The following IFIT5 variants were observed in gnomAD, a reference collection of about 807,000 sequenced individuals.
The protein encoded by IFIT5 is interferon-induced protein with tetratricopeptide repeats 5.
A neutral mutation model predicts 5.0 loss-of-function variants in IFIT5; 2 were observed. The ratio of observed to expected loss-of-function variants is 0.40; its 90% CI spans 0.16 to 1.26. IFIT5 has a LOEUF of 1.26. IFIT5 is among the 50% of genes most tolerant of loss of function. The pLI is 0.33. For missense variants in IFIT5, 524 were observed against 563.2 expected (o/e 0.93, Z 0.70); for synonymous variants, 206 against 204.6 (o/e 1.01, Z -0.06).
Position 89,418,837 on chromosome 10 carries a change from T to G in IFIT5, c.*189T>G, listed in dbSNP as rs1163351886. 1.9e-5 allele frequency: 10 copies of G among 515,162 alleles called. No homozygotes were observed. Among genetic ancestry groups the G allele is most frequent in the Non-Finnish European group, 2.9e-5 (9 of 312,542 alleles). The allele number at this position is 515,162 out of a possible 1,614,324, so 31.9% of individuals were successfully genotyped here. A position where few individuals can be genotyped will look rare whatever the true frequency, so the allele number is the denominator to read the frequency against. ...GAATCTTGTGCGGTTTTCTTTCTTT[T>G]TTTCTTTTTAATTAAAATACTATAA... On this transcript the variant is annotated 3_prime_UTR_variant, in exon 2 of 2. Transcript: ENST00000371795.
In IFIT5 at chr10:89,419,412, T is replaced by C. The variant is rs1169032216; in HGVS notation, c.*764T>C. ...TGCAATGAATCTAGATGCAATTAAT[T>C]TTATTCCTTCCAACTAAAATTACAA... On this transcript the variant is annotated 3_prime_UTR_variant, in exon 2 of 2. Coordinates refer to ENST00000371795, the MANE Select transcript of IFIT5 (RefSeq NM_012420.3). The C allele has an allele frequency of 3.3e-5, 5 of 152,072 alleles. No homozygotes were observed. Among genetic ancestry groups the C allele is most frequent in the Non-Finnish European group, 7.4e-5 (5 of 68,008 alleles). The allele number at this position is 152,072 out of a possible 1,614,324, so 9.4% of individuals were successfully genotyped here.
chr10:89,419,076 G>A lies in IFIT5; in HGVS notation c.*428G>A, dbSNP rs1479995261. On this transcript the variant is annotated 3_prime_UTR_variant, in exon 2 of 2. Coordinates refer to ENST00000371795, the MANE Select transcript of IFIT5 (RefSeq NM_012420.3). ...GCTCTTAATTGTGTAGCTTGCAAAA[G>A]ACAGCACTTTTTAGTTACAGATGTT... The A allele has an allele frequency of 1.3e-5, 2 of 153,254 alleles. No homozygotes were observed. The highest frequency in any genetic ancestry group is 2.9e-5 in the Non-Finnish European group (2 of 68,820). The allele number at this position is 153,254 out of a possible 1,614,324, so 9.5% of individuals were successfully genotyped here.
At position 89,419,179 on chromosome 10, in the gene IFIT5, T is replaced by C. The variant is rs909198952; in HGVS notation, c.*531T>C. 6.6e-6 allele frequency: 1 copy of C among 152,126 alleles called. No individual in the cohort carries two copies. Among genetic ancestry groups the C allele is most frequent in the Admixed American group, 6.5e-5 (1 of 15,284 alleles). 9.4% of individuals were successfully genotyped at this position (152,126 alleles called of 1,614,324 possible). On this transcript the variant is annotated 3_prime_UTR_variant, in exon 2 of 2. Coordinates refer to ENST00000371795, the MANE Select transcript of IFIT5 (RefSeq NM_012420.3). The stretch of plus-strand genomic sequence containing the variant: ...TTTTTTGTTGGAAAAAAGTTTATAA[T>C]AAAAAAGTTTGTCATCTCTAGTGAC...
chr10:89,414,843 C>G (rs781523425), intron 1 of IFIT5, 40 bp downstream of exon 1: 19 of 1,603,984 alleles, frequency 1.2e-5, no homozygotes, highest in Non-Finnish European at 1.5e-5. Flanking sequence ...AGCCCTGCGT[C>G]GGCCTTGGTT....
rs545340377 is a variant in IFIT5, at chr10:89,415,139, G to A, written c.5+336G>A. ...TGGCGTCTGCGGTCGGGACTGTCAG[G>A]GTATGTGCCGGGCGACGCTCCCCCG... On this transcript the variant is annotated intron_variant, in intron 1 of 1. Coordinates refer to ENST00000371795, the MANE Select transcript of IFIT5 (RefSeq NM_012420.3). 4.3e-4 allele frequency among the ~76,000 whole-genome samples: 66 copies of A among 152,320 alleles called. 1 individual carries two copies. In the South Asian group the frequency reaches 7.7e-3, roughly 18 times the overall value.
chr10:89,416,434 C>A (rs1034717674), intron 1 of IFIT5, among the ~76,000 whole-genome samples: 5 of 152,220 alleles, frequency 3.3e-5, no homozygotes, highest in African/African-American at 1.2e-4. Context: ...AACAGAATTA[C>A]CGAAAGATAC....
chr10:89,417,142 T>G, intron 1 of IFIT5, 63 bp from the exon 2 acceptor site: 1 of 1,349,976 alleles, frequency 7.4e-7, no homozygotes, highest in African/African-American at 1.5e-5. Context: ...GAACAATATT[T>G]AAGGTTTAGA....
chr10:89,419,885 G>A lies in IFIT5; in HGVS notation c.*1237G>A, dbSNP rs1841581292. 6.6e-6 allele frequency: 1 copy of A among 151,960 alleles called. No individual in the cohort carries two copies. Among genetic ancestry groups the A allele is most frequent in the African/African-American group, 2.4e-5 (1 of 41,380 alleles). The allele number at this position is 151,960 out of a possible 1,614,324, so 9.4% of individuals were successfully genotyped here. On this transcript the variant is annotated 3_prime_UTR_variant, in exon 2 of 2. Transcript: ENST00000371795. ...CAGTATTAGTGGAAAAGTACCATGT[G>A]ATTTAATTCTCCATTCCTCCAATGT... is the stretch of plus-strand genomic sequence containing the variant.
chr10:89,417,704 G>A lies in IFIT5; in HGVS notation c.505G>A (p.Val169Met). The change falls in exon 2 of 2, where the codon GTG (valine) becomes ATG (methionine). Residue 169 changes from valine (V) to methionine (M), a missense_variant. Transcript: ENST00000371795. Reference sequence around the variant, plus strand: ...AGCGGCTTTTGAGAAGGCTCTGGAAGTGGAGCCTGACAATCCAGAATTTAA... The same window carrying A: ...AGCGGCTTTTGAGAAGGCTCTGGAAATGGAGCCTGACAATCCAGAATTTAA... ...AKAAFEKALE[V>M]EPDNPEFNIG... 6.2e-7 allele frequency: 1 copy of A among 1,614,234 alleles called. No homozygotes were observed. Among genetic ancestry groups the A allele is most frequent in the South Asian group, 1.1e-5 (1 of 91,088 alleles).
chr10:89,418,351 C>A lies in IFIT5; in HGVS notation c.1152C>A (p.Arg384=), dbSNP rs1841564450. The A allele has an allele frequency of 7.4e-6, 12 of 1,614,196 alleles. No individual in the cohort carries two copies. Among genetic ancestry groups the A allele is most frequent in the Non-Finnish European group, 1.0e-5 (12 of 1,180,020 alleles). Residue 384 remains arginine, a synonymous_variant, in exon 2 of 2, where the codon CGC becomes CGA. Coordinates refer to ENST00000371795, the MANE Select transcript of IFIT5 (RefSeq NM_012420.3). ...ATCAGATCCATTACCACTATGGCCG[C>A]TTTCAGGAATTTCACCGTAAATCAG... is the stretch of plus-strand genomic sequence containing the variant. ...HKHQIHYHYG[R]FQEFHRKSEN...
Position 89,414,743 on chromosome 10 carries a change from GGA to G in IFIT5, c.-50_-49del. On this transcript the variant is annotated 5_prime_UTR_variant, in exon 1 of 2. Coordinates refer to ENST00000371795, the MANE Select transcript of IFIT5 (RefSeq NM_012420.3). ...GGCTTCCCGCGGTCCCCGGTGCTGA[GGA>G]GAGAGCGATCCGAGGGACTGCGCCG... The G allele has an allele frequency of 1.3e-6, 2 of 1,597,552 alleles. No homozygotes were observed. Among genetic ancestry groups the G allele is most frequent in the South Asian group, 2.2e-5 (2 of 89,430 alleles).
intron 1 of IFIT5, 21 bp downstream of exon 1, chr10:89,414,824 C>A: frequency 6.2e-7 from 1 of 1,608,570 alleles, no homozygotes; most frequent in Non-Finnish European, 8.5e-7. Flanking sequence ...TCCTTTGCCT[C>A]TCCTCCCAAG....
In IFIT5 at chr10:89,418,200, ACT is replaced by A; in HGVS notation, c.1004_1005del (p.Ser335TyrfsTer15). On this transcript the variant is annotated frameshift_variant, in exon 2 of 2. Transcript: ENST00000371795. LOFTEE classifies it low-confidence loss of function (END_TRUNC). ...CATTTCAAAGCAGCCATGGAACGAG[ACT>A]CTATGTTTGCATTTGCCTACACAGA... 1.2e-6 allele frequency: 2 copies of A among 1,614,042 alleles called. No homozygotes were observed. Among genetic ancestry groups the A allele is most frequent in the Non-Finnish European group, 1.7e-6 (2 of 1,179,986 alleles).
rs1275639688 is a variant in IFIT5 at position 89,418,502 on chromosome 10, G to T, written c.1303G>T (p.Val435Leu). 2 of 1,614,090 alleles carry T rather than the reference G, an allele frequency of 1.2e-6. No homozygotes were observed. Among genetic ancestry groups the T allele is most frequent in the Admixed American group, 3.3e-5 (2 of 60,008 alleles). Residue 435 changes from valine to leucine, a missense_variant, in exon 2 of 2, where the codon GTG (valine) becomes TTG (leucine). Val to Leu is a conservative substitution (Grantham distance 32). Transcript: ENST00000371795. ...TKRLCHNALD[V>L]QSLSALGFVY... Reference sequence around the variant, plus strand: ...GAGACTTTGTCACAATGCTTTAGATGTGCAGAGTTTAAGTGCCCTAGGGTT... The same window carrying T: ...GAGACTTTGTCACAATGCTTTAGATTTGCAGAGTTTAAGTGCCCTAGGGTT...
Position 89,418,704 on chromosome 10 carries a change from TTTG to T in IFIT5, c.*59_*61del. The T allele has an allele frequency of 6.7e-7, 1 of 1,493,352 alleles. No individual in the cohort carries two copies. The highest frequency in any genetic ancestry group is 2.3e-5 in the East Asian group (1 of 44,176). 92.5% of individuals were successfully genotyped at this position (1,493,352 alleles called of 1,614,324 possible). On this transcript the variant is annotated 3_prime_UTR_variant, in exon 2 of 2. Coordinates refer to ENST00000371795, the MANE Select transcript of IFIT5 (RefSeq NM_012420.3). ...TTTCCCTTCATTTTGGGTTCTCCTG[TTTG>T]TTTTTTTTTTATTATTTTAATCCCT...
At position 89,418,061 on chromosome 10, in the gene IFIT5, C is replaced by T. The variant is rs1474225251; in HGVS notation, c.862C>T (p.Gln288Ter). The T allele has an allele frequency of 6.2e-7, 1 of 1,614,072 alleles. No homozygotes were observed. The highest frequency in any genetic ancestry group is 1.3e-5 in the African/African-American group (1 of 74,918). Residue 288 changes from glutamine to a stop codon, truncating the protein, a stop_gained, in exon 2 of 2, where the codon CAG (glutamine) becomes TAG (stop). Coordinates refer to ENST00000371795, the MANE Select transcript of IFIT5 (RefSeq NM_012420.3). LOFTEE classifies it low-confidence loss of function (END_TRUNC). Reference sequence around the variant, plus strand: ...ACCAACTTCTTCTTTCCTGCATCACCAGATGGGACTTTGCTACAGGGCACA... The same window carrying T: ...ACCAACTTCTTCTTTCCTGCATCACTAGATGGGACTTTGCTACAGGGCACA... The part of the protein sequence containing the change: ...VTPTSSFLHH[Q>*]MGLCYRAQMI...
At chr10:89,414,841 G>A (rs755464189) in intron 1 of IFIT5, 38 bp downstream of exon 1, 29 of 1,603,860 alleles carry the variant, frequency 1.8e-5, no homozygotes, top group Admixed American at 6.8e-5. Context: ...CAAGCCCTGC[G>A]TCGGCCTTGG....
chr10:89,418,041 C>G lies in IFIT5; in HGVS notation c.842C>G (p.Thr281Ser), dbSNP rs200078169. Reference sequence around the variant, plus strand: ...AAAAAGGCCTTGGAGGTGACACCAACTTCTTCTTTCCTGCATCACCAGATG... The same window carrying G: ...AAAAAGGCCTTGGAGGTGACACCAAGTTCTTCTTTCCTGCATCACCAGATG... ...LLKKALEVTP[T>S]SSFLHHQMGL... Residue 281 changes from threonine to serine, a missense_variant, in exon 2 of 2, where the codon ACT becomes AGT. Transcript: ENST00000371795. The G allele has an allele frequency of 6.2e-7, 1 of 1,614,206 alleles. No individual in the cohort carries two copies. Among genetic ancestry groups the G allele is most frequent in the South Asian group, 1.1e-5 (1 of 91,082 alleles).
rs1008557916 is a variant in IFIT5 at position 89,417,680 on chromosome 10, G to A, written c.481G>A (p.Ala161Thr). The A allele has an allele frequency of 9.3e-6, 15 of 1,614,194 alleles. No homozygotes were observed. Among genetic ancestry groups the A allele is most frequent in the South Asian group, 1.1e-5 (1 of 91,086 alleles). The change falls in exon 2 of 2, where the codon GCG (alanine) becomes ACG (threonine). Residue 161 changes from alanine (A) to threonine (T), a missense_variant. By Grantham distance (58) the Ala-to-Thr change is moderately conservative. Coordinates refer to ENST00000371795, the MANE Select transcript of IFIT5 (RefSeq NM_012420.3). ...AGGAAAGTATTATCAAAAGGCTAAAGCGGCTTTTGAGAAGGCTCTGGAAGT... is the reference window on the plus strand; with the variant it reads ...AGGAAAGTATTATCAAAAGGCTAAAACGGCTTTTGAGAAGGCTCTGGAAGT... ...FGGKYYQKAK[A>T]AFEKALEVEP...
Sources: gnomAD v4.1 joint callset for allele counts (sites outside exome capture counted in the v4.1 genomes callset) on GRCh38, gnomAD v4.1.1 for gene constraint, MANE v1.5 for transcripts, NCBI Gene and HGNC (gene_info 2026-07-23, HGNC 2026-07-21) for gene names.